FLOT1: variants seen among roughly 807,000 people sequenced by gnomAD.
FLOT1 encodes flotillin-1.
Under a neutral mutation model 58.4 loss-of-function variants are expected in FLOT1, and 40 were observed. The ratio of observed to expected loss-of-function variants is 0.69; its 90% CI spans 0.53 to 0.89. FLOT1 has a LOEUF of 0.89. Ranked by LOEUF, FLOT1 falls within the 40% of genes least tolerant of loss-of-function variation. The pLI is 0.00. For synonymous variants in FLOT1, 178 were observed against 204.2 expected, an observed-to-expected ratio of 0.87 and a Z score of 1.09; for missense variants, 423 against 540.8, an observed-to-expected ratio of 0.78 and a Z score of 2.16.
Position 30,741,683 on chromosome 6 carries a change from G to C in FLOT1, c.141C>G (p.Thr47=), listed in dbSNP as rs757658808. 6.2e-6 allele frequency: 10 copies of C among 1,612,762 alleles called. No individual in the cohort carries two copies. In the East Asian group the frequency reaches 2.2e-4, roughly 36 times the overall value. The change falls in exon 4 of 13, where the codon ACC becomes ACG. Residue 47 remains threonine (T), a synonymous_variant. Transcript: ENST00000376389. The surrounding 1 kb of genome is among the most constrained non-coding windows in gnomAD (Gnocchi z 5.9). The part of the protein sequence containing the change: ...QIQRISLNTL[T]LNVKSEKVYT... ...AAACCTTTTCACTCTTGACATTGAG[G>C]GTCAGTGTGTTGAGAGAGATCCTAG...
Position 30,740,157 on chromosome 6 carries a change from C to G in FLOT1, c.723+1G>C. 6.2e-7 allele frequency: 1 copy of G among 1,612,810 alleles called. No individual in the cohort carries two copies. Among genetic ancestry groups the G allele is most frequent in the African/African-American group, 1.3e-5 (1 of 75,036 alleles). On this transcript the variant is annotated splice_donor_variant, in intron 8 of 12. Transcript: ENST00000376389. LOFTEE classifies it high-confidence loss of function. ...GAGAGTGGCCTGGCAGTGGCTCTGA[C>G]CTGAAGCTGATAGGCCAGGTCAGCC...
chr6:30,731,405 A>C (rs1777185697), intron 8 of FLOT1, among the ~76,000 whole-genome samples: 1 of 150,636 alleles, frequency 6.6e-6, no homozygotes, highest in Admixed American at 6.7e-5. Flanking sequence ...GAATTGCTTG[A>C]ACCTGGGAGG....
Position 30,742,012 on chromosome 6 carries a change from C to A in FLOT1, c.43+135G>T. On this transcript the variant is annotated intron_variant, in intron 2 of 12. Transcript: ENST00000376389. This position sits in a 1 kb window ranked among gnomAD's most constrained non-coding sequence, Gnocchi z 5.2. ...GTCTGGGCCTTGGAATGGTGGGAAT[C>A]AAACTGGGCAGTTCGTGGCCATCAA... The A allele has an allele frequency of 8.4e-7, 1 of 1,186,058 alleles. No homozygotes were observed. Among genetic ancestry groups the A allele is most frequent in the Non-Finnish European group, 1.2e-6 (1 of 808,934 alleles). The allele number at this position is 1,186,058 out of a possible 1,614,324, so 73.5% of individuals were successfully genotyped here. A position where few individuals can be genotyped will look rare whatever the true frequency, so the allele number is the denominator to read the frequency against.
At chr6:30,734,466 G>A (rs1333693870) in intron 8 of FLOT1, among the ~76,000 whole-genome samples, 6 of 150,250 alleles carry the variant, frequency 4.0e-5, no homozygotes, top group Admixed American at 6.6e-5. Flanking sequence ...GTACCACCAC[G>A]CCTGGCTAAT....
At chr6:30,728,365 T>A (rs994911686) in intron 12 of FLOT1, among the ~76,000 whole-genome samples, 1 of 151,908 alleles carries the variant, frequency 6.6e-6, no homozygotes, top group African/African-American at 2.4e-5. Flanking sequence ...GTTTGCACAC[T>A]CTCCTTAGCT....
At chr6:30,730,318 C>A in intron 11 of FLOT1, 110 bp downstream of exon 11, 3 of 1,492,296 alleles carry the variant, frequency 2.0e-6, no homozygotes, top group Non-Finnish European at 2.7e-6. Flanking sequence ...AATTCCCACC[C>A]CTAATTTAGA....
chr6:30,728,028 G>T lies in FLOT1; in HGVS notation c.*88C>A. On this transcript the variant is annotated 3_prime_UTR_variant, in exon 13 of 13. Transcript: ENST00000376389. ...GTGGGACCTCACTGTCAATGGACAT[G>T]CTCAGGGAGGCCAGTGGGTTACATG... 1 of 1,206,706 alleles carries T rather than the reference G, an allele frequency of 8.3e-7. No homozygotes were observed. The highest frequency in any genetic ancestry group is 1.5e-5 in the African/African-American group (1 of 67,002). 74.7% of individuals were successfully genotyped at this position (1,206,706 alleles called of 1,614,324 possible). A position where few individuals can be genotyped will look rare whatever the true frequency, so the allele number is the denominator to read the frequency against.
rs1274665550 is a variant in FLOT1 at position 30,730,668 on chromosome 6, G to A, written c.951+14C>T. The stretch of plus-strand genomic sequence containing the variant: ...CCTCTCCACAAGCCAGCATGGAACT[G>A]CCTCTTAACTCACCCGCACAGACGC... On this transcript the variant is annotated intron_variant, in intron 10 of 12. Coordinates refer to ENST00000376389, the MANE Select transcript of FLOT1 (RefSeq NM_005803.4). 3 of 1,613,768 alleles carry A rather than the reference G, an allele frequency of 1.9e-6. No homozygotes were observed. Among genetic ancestry groups the A allele is most frequent in the Non-Finnish European group, 1.7e-6 (2 of 1,180,030 alleles).
intron 12 of FLOT1, among the ~76,000 whole-genome samples, chr6:30,728,858 T>G (rs1296992166): frequency 6.6e-6 from 1 of 151,868 alleles, no homozygotes; most frequent in Admixed American, 6.6e-5. Flanking sequence ...CTCGGCTCAC[T>G]GCAAGCTCTG....
rs374180908 is a variant in FLOT1 at position 30,733,619 on chromosome 6, T to G, written c.724-2519A>C. Among the ~76,000 whole-genome samples the G allele has an allele frequency of 4.6e-4, 70 of 151,468 alleles. 3 individuals are homozygous for G. In the South Asian group the frequency reaches 0.011, roughly 25 times the overall value. On this transcript the variant is annotated intron_variant, in intron 8 of 12. Coordinates refer to ENST00000376389, the MANE Select transcript of FLOT1 (RefSeq NM_005803.4). Reference sequence around the variant, plus strand: ...AGCCAGCAATGGTGGCACATACCTGTAGTCCCAGCTACTTGGGAAGCTGAG... The same window carrying G: ...AGCCAGCAATGGTGGCACATACCTGGAGTCCCAGCTACTTGGGAAGCTGAG...
chr6:30,741,729 A>G lies in FLOT1; in HGVS notation c.120-25T>C, dbSNP rs549599313. 3.8e-5 allele frequency: 61 copies of G among 1,610,008 alleles called. No homozygotes were observed. The East Asian group carries it at 1.1e-3, about 29-fold the overall frequency. On this transcript the variant is annotated intron_variant, in intron 3 of 12. Transcript: ENST00000376389. The surrounding 1 kb of genome is among the most constrained non-coding windows in gnomAD (Gnocchi z 5.9). ...CCTAGGGGAAAAAGAAGGGACAGACAGTAAGAAGAGGAGGAAAAAGAGAAA... is the reference window on the plus strand; with the variant it reads ...CCTAGGGGAAAAAGAAGGGACAGACGGTAAGAAGAGGAGGAAAAAGAGAAA...
chr6:30,741,370 G>C lies in FLOT1; in HGVS notation c.211-37C>G. ...GTAGGGGTAGGAAAGGTGTGGTGGG[G>C]GTCTCATGAAGTCAGAGAAAAAGCA... On this transcript the variant is annotated intron_variant, in intron 4 of 12. Transcript: ENST00000376389. The surrounding 1 kb of genome is among the most constrained non-coding windows in gnomAD (Gnocchi z 5.9). 6.2e-7 allele frequency: 1 copy of C among 1,612,092 alleles called. No homozygotes were observed. The highest frequency in any genetic ancestry group is 1.1e-5 in the South Asian group (1 of 91,062).
intron 12 of FLOT1, 92 bp downstream of exon 12, chr6:30,729,930 C>T: frequency 8.7e-7 from 1 of 1,153,920 alleles, no homozygotes; most frequent in Non-Finnish European, 1.3e-6. Context: ...ATCAATGACT[C>T]CCAGGCCTGG....
chr6:30,731,978 C>CT lies in FLOT1; in HGVS notation c.724-879dup, dbSNP rs200820891. Among the ~76,000 whole-genome samples, 1,095 of 151,316 alleles carry CT rather than the reference C, an allele frequency of 7.2e-3. 11 individuals are homozygous for CT. The highest frequency in any genetic ancestry group is 0.01 in the Admixed American group (159 of 15,174). The stretch of plus-strand genomic sequence containing the variant: ...TCCTCTTATTTAGGCAGATTTCTTT[C>CT]TTTTTTTTTGAGGCAGTTTCGCTCT... On this transcript the variant is annotated intron_variant, in intron 8 of 12. Transcript: ENST00000376389.
In FLOT1 at chr6:30,731,104, G is replaced by T. The variant is rs186315515; in HGVS notation, c.724-4C>A. 302 of 1,595,198 alleles carry T rather than the reference G, an allele frequency of 1.9e-4. 1 individual carries two copies. In the African/African-American group the frequency reaches 3.7e-3, roughly 19 times the overall value. On this transcript the variant is annotated splice_polypyrimidine_tract_variant and splice_region_variant and intron_variant, in intron 8 of 12. Transcript: ENST00000376389. ...TCTGCTGCTTAGTCTTGGCCACCTG[G>T]GTAGGAGGGTGAAGTCAGGTTCACG...
chr6:30,740,598 G>A lies in FLOT1; in HGVS notation c.475-7C>T. The A allele has an allele frequency of 6.2e-7, 1 of 1,613,038 alleles. No homozygotes were observed. Among genetic ancestry groups the A allele is most frequent in the African/African-American group, 1.3e-5 (1 of 75,040 alleles). On this transcript the variant is annotated splice_polypyrimidine_tract_variant and splice_region_variant and intron_variant, in intron 6 of 12. Coordinates refer to ENST00000376389, the MANE Select transcript of FLOT1 (RefSeq NM_005803.4). ...CCAAAGAGTGCAAATAGTCCTGTGG[G>A]AGAGATGTAGAAATTAGTCCTTTGG... is the stretch of plus-strand genomic sequence containing the variant.
At chr6:30,731,194 G>A (rs1233571572) in intron 8 of FLOT1, 94 bp from the exon 9 acceptor site, 2 of 1,332,918 alleles carry the variant, frequency 1.5e-6, no homozygotes, top group African/African-American at 2.9e-5. Context: ...TATAAAAATA[G>A]GAGCCGGTGG....
chr6:30,729,010 C>T (rs1776953331), intron 12 of FLOT1, among the ~76,000 whole-genome samples: 1 of 151,664 alleles, frequency 6.6e-6, no homozygotes, highest in African/African-American at 2.4e-5. Context: ...AATCTCCTGA[C>T]CTCGTGATCC....
rs188532653 is a variant in FLOT1 at position 30,739,057 on chromosome 6, C to A, written c.723+1101G>T. On this transcript the variant is annotated intron_variant, in intron 8 of 12. Transcript: ENST00000376389. The stretch of plus-strand genomic sequence containing the variant: ...ACGAATAATGAAGAATGAAGATCAA[C>A]TATACTTCCTGGCAATATCAAGGGC... Among the ~76,000 whole-genome samples, 40 of 152,324 alleles carry A rather than the reference C, an allele frequency of 2.6e-4. 1 individual carries two copies. The highest frequency in any genetic ancestry group is 2.5e-3 in the Admixed American group (39 of 15,302).
Sources: gnomAD v4.1 joint callset for allele counts (sites outside exome capture counted in the v4.1 genomes callset) on GRCh38, gnomAD v4.1.1 for gene constraint, Gnocchi (gnomAD v3.1) non-coding constraint, MANE v1.5 for transcripts, NCBI Gene and HGNC (gene_info 2026-07-23, HGNC 2026-07-21) for gene names.